The following BTN2A2 variants were observed in gnomAD, a reference collection of about 807,000 sequenced individuals.
The protein encoded by BTN2A2 is butyrophilin subfamily 2 member A2, also known as butyrophilin 2.
A neutral mutation model predicts 34.7 loss-of-function variants in BTN2A2; 29 were observed. That is an observed-to-expected ratio of 0.84 (90% CI 0.62 to 1.14). BTN2A2 has a LOEUF of 1.14. Among genes scored for constraint, BTN2A2 ranks in the 50% most tolerant of loss-of-function variants. The probability of loss-of-function intolerance (pLI) is 0.00; values close to 1 mark genes in which losing one functional copy is unlikely to be tolerated. For synonymous variants in BTN2A2, 240 were observed against 253.1 expected (o/e 0.95, Z 0.49); for missense variants, 612 against 651.5 (o/e 0.94, Z 0.66).
In BTN2A2 at chr6:26,394,088, G is replaced by T. The variant is rs1350913639; in HGVS notation, c.*1121G>T. On this transcript the variant is annotated 3_prime_UTR_variant, in exon 8 of 8. Transcript: ENST00000356709. ...GTATTAAACCTATTGGTATATCATA[G>T]GTCATGTTAGCTCAAAAAAACTTTA... The T allele has an allele frequency of 8.1e-6, 4 of 495,688 alleles. No individual in the cohort carries two copies. Among genetic ancestry groups the T allele is most frequent in the Non-Finnish European group, 1.4e-5 (4 of 279,522 alleles). 30.7% of individuals were successfully genotyped at this position (495,688 alleles called of 1,614,324 possible).
At chr6:26,385,739 GACGGGGTTTC>G (rs1761157599) in intron 3 of BTN2A2, among the ~76,000 whole-genome samples, 2 of 152,010 alleles carry the variant, frequency 1.3e-5, no homozygotes, top group Admixed American at 1.3e-4. Context: ...TTTTAGTAGA[GACGGGGTTTC>G]ACCATGTTGG....
chr6:26,389,698 C>T (rs7756881), intron 4 of BTN2A2, among the ~76,000 whole-genome samples: 46,700 of 152,042 alleles, frequency 0.31, 10,092 homozygotes, highest in African/African-American at 0.62. Context: ...GTATTCCAGG[C>T]GTGAGTGATG....
chr6:26,391,390 A>C (rs1761566947), intron 7 of BTN2A2: 1 of 158,490 alleles, frequency 6.3e-6, no homozygotes, highest in South Asian at 1.8e-4. Context: ...GGGAGAGCAC[A>C]GAGAAACCAA....
At chr6:26,389,941 TA>T in intron 4 of BTN2A2, 63 bp from the exon 5 acceptor site, 1 of 1,525,020 alleles carries the variant, frequency 6.6e-7, no homozygotes, top group Non-Finnish European at 9.0e-7. Flanking sequence ...GATGTGCTCT[TA>T]GGGGCACTCT....
Position 26,384,875 on chromosome 6 carries a change from G to T in BTN2A2, c.95-140G>T, listed in dbSNP as rs2113739765. On this transcript the variant is annotated intron_variant, in intron 2 of 7. Transcript: ENST00000356709. The surrounding 1 kb of genome is among the most constrained non-coding windows in gnomAD (Gnocchi z 4.0). Reference sequence around the variant, plus strand: ...GTCCCCAGAAGGGTTCTCAGCCCAAGAACCCCTGTAGCCTTGGAATATCTG... The same window carrying T: ...GTCCCCAGAAGGGTTCTCAGCCCAATAACCCCTGTAGCCTTGGAATATCTG... 1.1e-6 allele frequency: 1 copy of T among 936,688 alleles called. No individual in the cohort carries two copies. The highest frequency in any genetic ancestry group is 2.6e-5 in the East Asian group (1 of 37,736). 58.0% of individuals were successfully genotyped at this position (936,688 alleles called of 1,614,324 possible).
intron 5 of BTN2A2, 38 bp from the exon 6 acceptor site, chr6:26,390,649 G>A (rs779675140): frequency 6.8e-6 from 11 of 1,613,838 alleles, no homozygotes; most frequent in Middle Eastern, 1.6e-4. Context: ...TAGTTCTTCT[G>A]TTGAAGACAT....
intron 3 of BTN2A2, chr6:26,385,613 C>T (rs553606243): frequency 2.8e-5 from 11 of 388,870 alleles, no homozygotes; most frequent in South Asian, 6.2e-5. Flanking sequence ...TGCAGTGGTG[C>T]GATCTTGGCT....
rs942797337 is a variant in BTN2A2, at chr6:26,384,759, C to T, written c.95-256C>T. Among the ~76,000 whole-genome samples, 1 of 152,140 alleles carries T rather than the reference C, an allele frequency of 6.6e-6. No homozygotes were observed. Among genetic ancestry groups the T allele is most frequent in the African/African-American group, 2.4e-5 (1 of 41,432 alleles). ...TCTCAGGGGCACAGGGTGCCCAGGG[C>T]GGGCTCCCCAATGTTTCCTTCGTGA... is the stretch of plus-strand genomic sequence containing the variant. On this transcript the variant is annotated intron_variant, in intron 2 of 7. Coordinates refer to ENST00000356709, the MANE Select transcript of BTN2A2 (RefSeq NM_006995.5). This position sits in a 1 kb window ranked among gnomAD's most constrained non-coding sequence, Gnocchi z 4.0.
chr6:26,389,859 G>A, intron 4 of BTN2A2, 146 bp from the exon 5 acceptor site: 1 of 763,662 alleles, frequency 1.3e-6, no homozygotes, highest in Non-Finnish European at 2.1e-6. Flanking sequence ...CCAGTGTTGA[G>A]CCAGCATCGC....
chr6:26,386,007 A>G (rs1380624745), intron 3 of BTN2A2, among the ~76,000 whole-genome samples: 1 of 152,232 alleles, frequency 6.6e-6, no homozygotes, highest in African/African-American at 2.4e-5. Context: ...GTCCCGGGGC[A>G]ATCAGAATCA....
chr6:26,392,225 A>C (rs1163357918), intron 7 of BTN2A2, 150 bp from the exon 8 acceptor site: 1 of 1,548,174 alleles, frequency 6.5e-7, no homozygotes, highest in Admixed American at 2.0e-5. Context: ...TTCTCAGGGT[A>C]TGAGCTGCCT....
In BTN2A2 at chr6:26,390,792, G is replaced by A. The variant is rs562989262; in HGVS notation, c.953-11G>A. ...TGTCTCGTGACATTCACCTCTGTCT[G>A]TCCCTTGCAGGATGGAGAAGAACAT... is the stretch of plus-strand genomic sequence containing the variant. On this transcript the variant is annotated splice_polypyrimidine_tract_variant and intron_variant, in intron 6 of 7. Coordinates refer to ENST00000356709, the MANE Select transcript of BTN2A2 (RefSeq NM_006995.5). The A allele has an allele frequency of 1.9e-6, 3 of 1,614,234 alleles. No homozygotes were observed. Among genetic ancestry groups the A allele is most frequent in the Non-Finnish European group, 2.5e-6 (3 of 1,180,040 alleles).
In BTN2A2 at chr6:26,393,668, G is replaced by A. The variant is rs1761738538; in HGVS notation, c.*701G>A. 1 of 992,046 alleles carries A rather than the reference G, an allele frequency of 1.0e-6. No individual in the cohort carries two copies. Among genetic ancestry groups the A allele is most frequent in the Non-Finnish European group, 1.2e-6 (1 of 834,300 alleles). The allele number at this position is 992,046 out of a possible 1,614,324, so 61.5% of individuals were successfully genotyped here. The stretch of plus-strand genomic sequence containing the variant: ...CAAGGGGTCAGTACTTAGTCCCTGA[G>A]TGTGGTTGAGGTTTGAGGTCCTGGT... On this transcript the variant is annotated 3_prime_UTR_variant, in exon 8 of 8. Coordinates refer to ENST00000356709, the MANE Select transcript of BTN2A2 (RefSeq NM_006995.5).
intron 4 of BTN2A2, among the ~76,000 whole-genome samples, chr6:26,389,351 A>G (rs887986583): frequency 1.3e-5 from 2 of 152,140 alleles, no homozygotes; most frequent in Non-Finnish European, 2.9e-5. Context: ...CAAGACAAGG[A>G]ACCATCAGAT....
At chr6:26,386,765 A>G (rs573818747) in intron 3 of BTN2A2, among the ~76,000 whole-genome samples, 2 of 152,154 alleles carry the variant, frequency 1.3e-5, no homozygotes, top group Non-Finnish European at 2.9e-5. Flanking sequence ...CCTTAAATCT[A>G]TTGTGTCATG....
chr6:26,383,692 G>T lies in BTN2A2; in HGVS notation c.-30-100G>T. On this transcript the variant is annotated intron_variant, in intron 1 of 7. Transcript: ENST00000356709. The surrounding 1 kb of genome is among the most constrained non-coding windows in gnomAD (Gnocchi z 4.4). ...AGATGCAAGCGACTCCCAGAAGTTGGGGCACCGATGAGACCTACTTGAGTG... is the reference window on the plus strand; with the variant it reads ...AGATGCAAGCGACTCCCAGAAGTTGTGGCACCGATGAGACCTACTTGAGTG... 3 of 855,680 alleles carry T rather than the reference G, an allele frequency of 3.5e-6. No homozygotes were observed. The highest frequency in any genetic ancestry group is 3.8e-6 in the Non-Finnish European group (2 of 522,330). The allele number at this position is 855,680 out of a possible 1,614,324, so 53.0% of individuals were successfully genotyped here.
chr6:26,388,277 CTG>C lies in BTN2A2; in HGVS notation c.709_710del (p.Val237HisfsTer66). The C allele has an allele frequency of 1.2e-6, 2 of 1,614,118 alleles. No homozygotes were observed. The highest frequency in any genetic ancestry group is 1.7e-5 in the Admixed American group (1 of 60,014). The stretch of plus-strand genomic sequence containing the variant: ...ACCCTGCTCGGCCAGGAGAAGGAAA[CTG>C]TCATTTTTATTCCAGGTTAGTTCTC... On this transcript the variant is annotated frameshift_variant, in exon 4 of 8. Coordinates refer to ENST00000356709, the MANE Select transcript of BTN2A2 (RefSeq NM_006995.5). LOFTEE classifies it high-confidence loss of function.
chr6:26,388,203 G>A lies in BTN2A2; in HGVS notation c.633G>A (p.Val211=). 2 of 1,614,204 alleles carry A rather than the reference G, an allele frequency of 1.2e-6. No individual in the cohort carries two copies. Among genetic ancestry groups the A allele is most frequent in the Non-Finnish European group, 1.7e-6 (2 of 1,180,038 alleles). Residue 211 remains valine, a synonymous_variant, in exon 4 of 8, where the codon GTG becomes GTA. Coordinates refer to ENST00000356709, the MANE Select transcript of BTN2A2 (RefSeq NM_006995.5). ...GCCTCTTCATGGTCACCACAGCTGTGATCATCAGAGACAAGTATGTGAGGA... is the reference window on the plus strand; with the variant it reads ...GCCTCTTCATGGTCACCACAGCTGTAATCATCAGAGACAAGTATGTGAGGA... ...ADGLFMVTTA[V]IIRDKYVRNV... is the part of the protein sequence containing the mutation.
rs1371728089 is a variant in BTN2A2 at position 26,390,115 on chromosome 6, A to T, written c.835A>T (p.Met279Leu). Residue 279 changes from methionine to leucine, a missense_variant, in exon 5 of 8, where the codon ATG (methionine) becomes TTG (leucine). Coordinates refer to ENST00000356709, the MANE Select transcript of BTN2A2 (RefSeq NM_006995.5). ...TVILAVFIIF[M>L]AVSICCIKKL... ...CATCCTGGCTGTTTTCATCATCTTC[A>T]TGGCTGTCAGCATCTGTTGCATCAA... The T allele has an allele frequency of 6.2e-7, 1 of 1,614,022 alleles. No individual in the cohort carries two copies. Among genetic ancestry groups the T allele is most frequent in the African/African-American group, 1.3e-5 (1 of 74,890 alleles).
Sources: gnomAD v4.1 joint callset for allele counts (sites outside exome capture counted in the v4.1 genomes callset) on GRCh38, gnomAD v4.1.1 for gene constraint, Gnocchi (gnomAD v3.1) non-coding constraint, MANE v1.5 for transcripts, NCBI Gene and HGNC (gene_info 2026-07-23, HGNC 2026-07-21) for gene names.